The following CLN8 variants were observed in gnomAD, a reference collection of about 807,000 sequenced individuals.
CLN8 encodes protein CLN8.
Under a neutral mutation model 15.7 loss-of-function variants are expected in CLN8, and 14 were observed. The ratio of observed to expected loss-of-function variants is 0.89; its 90% confidence interval spans 0.59 to 1.39. The LOEUF (loss-of-function observed/expected upper bound fraction) is 1.39. CLN8 is among the 40% of genes most tolerant of loss of function. The probability of loss-of-function intolerance (pLI) is 0.00; values close to 1 mark genes in which losing one functional copy is unlikely to be tolerated. For synonymous variants in CLN8, 188 were observed against 151.0 expected, an observed-to-expected ratio of 1.25 and a Z score of -1.80; for missense variants, 415 against 364.0, an observed-to-expected ratio of 1.14 and a Z score of -1.14.
At position 1,775,859 on chromosome 8, in the gene CLN8, A is replaced by C. The variant is rs186473891; in HGVS notation, c.543+4262A>C. 6.2e-4 allele frequency among the ~76,000 whole-genome samples: 95 copies of C among 152,310 alleles called. 1 individual carries two copies. In the East Asian group the frequency reaches 0.014, roughly 23 times the overall value. On this transcript the variant is annotated intron_variant, in intron 2 of 2. Coordinates refer to ENST00000331222, the MANE Select transcript of CLN8 (RefSeq NM_018941.4). ...TACGCTCTCTTGAGGAGCAATGAGC[A>C]CTCTTGCAGGCCCTGTGCCAGGTGC...
intron 1 of CLN8, 122 bp downstream of exon 1, chr8:1,764,007 G>C (rs1250255148): frequency 6.6e-6 from 1 of 152,132 alleles, no homozygotes; most frequent in Non-Finnish European, 1.5e-5. Flanking sequence ...AGGTGAGCGC[G>C]CGTGGAGCCC....
At chr8:1,777,832 T>G (rs1428213866) in intron 2 of CLN8, among the ~76,000 whole-genome samples, 2 of 152,228 alleles carry the variant, frequency 1.3e-5, no homozygotes, top group Admixed American at 1.3e-4. Flanking sequence ...TGTTTATAGT[T>G]AACTTTATTT....
At chr8:1,764,060 C>G (rs907717888) in intron 1 of CLN8, 175 bp downstream of exon 1, 11 of 152,068 alleles carry the variant, frequency 7.2e-5, no homozygotes, top group Admixed American at 4.6e-4. Flanking sequence ...ACCGGGGATC[C>G]CAGGTGAGGG....
chr8:1,768,166 A>G (rs1801144215), intron 1 of CLN8, among the ~76,000 whole-genome samples: 1 of 149,630 alleles, frequency 6.7e-6, no homozygotes, highest in Admixed American at 6.7e-5. Context: ...TTGGTCTTGA[A>G]CTCCTGACCT....
upstream of CLN8, chr8:1,759,786 C>A (rs1800749134): frequency 6.6e-6 from 1 of 152,154 alleles, no homozygotes; most frequent in African/African-American, 2.4e-5. Flanking sequence ...GCAAGCACCG[C>A]GGTCCTGCTC....
intron 1 of CLN8, chr8:1,758,359 A>G (rs1273277491): frequency 3.3e-5 from 5 of 152,118 alleles, no homozygotes; most frequent in Admixed American, 3.3e-4. Context: ...AGTTGATGAG[A>G]TTTATTCTGA....
chr8:1,774,434 C>G (rs1801433824), intron 2 of CLN8, among the ~76,000 whole-genome samples: 1 of 152,156 alleles, frequency 6.6e-6, no homozygotes, highest in Non-Finnish European at 1.5e-5. Flanking sequence ...TAAGAAAACA[C>G]TATGTCTAAA....
intron 1 of CLN8, among the ~76,000 whole-genome samples, chr8:1,766,762 C>T (rs1032097425): frequency 2.0e-5 from 3 of 152,218 alleles, no homozygotes; most frequent in Non-Finnish European, 2.9e-5. Context: ...AGGACTCCTT[C>T]ATGTGGCCTG....
chr8:1,754,745 T>G (rs6558527), upstream of CLN8, among the ~76,000 whole-genome samples: 122,630 of 152,142 alleles, frequency 0.81, 49,657 homozygotes, highest in Non-Finnish European at 0.82. Flanking sequence ...AAGCCGTCTG[T>G]AGACATCCCA....
chr8:1,778,640 C>T (rs1801604105), intron 2 of CLN8, among the ~76,000 whole-genome samples: 1 of 152,184 alleles, frequency 6.6e-6, no homozygotes, highest in Non-Finnish European at 1.5e-5. Flanking sequence ...TTGTGGAAAG[C>T]CGCACTGGCG....
intron 1 of CLN8, among the ~76,000 whole-genome samples, chr8:1,767,196 A>G (rs893085392): frequency 6.6e-6 from 1 of 152,240 alleles, no homozygotes; most frequent in Non-Finnish European, 1.5e-5. Context: ...GAGTTAGACT[A>G]GAACAGCACC....
chr8:1,771,602 GTGCA>G lies in CLN8; in HGVS notation c.543+11_543+14del. ...GTTTCCTGGATGCTCTTAAAGGTAA[GTGCA>G]TGCATCAGCAGAAGATGACATGTGC... On this transcript the variant is annotated splice_donor_region_variant and intron_variant, in intron 2 of 2. Transcript: ENST00000331222. The G allele has an allele frequency of 6.2e-7, 1 of 1,613,064 alleles. No homozygotes were observed. Among genetic ancestry groups the G allele is most frequent in the Non-Finnish European group, 8.5e-7 (1 of 1,179,588 alleles).
At chr8:1,768,591 G>A (rs1419083424) in intron 1 of CLN8, among the ~76,000 whole-genome samples, 1 of 152,168 alleles carries the variant, frequency 6.6e-6, no homozygotes, top group African/African-American at 2.4e-5. Context: ...GTTTTACGAG[G>A]GGTCCATATT....
chr8:1,773,425 A>G (rs1268861552), intron 2 of CLN8, among the ~76,000 whole-genome samples: 1 of 152,078 alleles, frequency 6.6e-6, no homozygotes, highest in African/African-American at 2.4e-5. Flanking sequence ...TTTGGGTAGA[A>G]CTTACCAAGG....
chr8:1,769,783 C>T (rs1183019310), intron 1 of CLN8, among the ~76,000 whole-genome samples: 1 of 152,168 alleles, frequency 6.6e-6, no homozygotes, highest in African/African-American at 2.4e-5. Flanking sequence ...AGCATCTGTT[C>T]ATGTGTTCCA....
intron 2 of CLN8, among the ~76,000 whole-genome samples, chr8:1,779,167 T>G (rs1471857826): frequency 6.6e-6 from 1 of 152,188 alleles, no homozygotes; most frequent in Admixed American, 6.5e-5. Flanking sequence ...CCATTGTGAG[T>G]AGGGGACTGT....
chr8:1,778,762 G>C (rs941746924), intron 2 of CLN8, among the ~76,000 whole-genome samples: 18 of 152,152 alleles, frequency 1.2e-4, no homozygotes, highest in Middle Eastern at 3.2e-3. Flanking sequence ...AGGCAGGCTG[G>C]GTTACTCCAT....
Position 1,782,579 on chromosome 8 carries a change from C to T in CLN8, c.*2012C>T, listed in dbSNP as rs771531967. On this transcript the variant is annotated 3_prime_UTR_variant, in exon 3 of 3. Coordinates refer to ENST00000331222, the MANE Select transcript of CLN8 (RefSeq NM_018941.4). Reference sequence around the variant, plus strand: ...ATGGTGTCCCTGCTGAAACTTTTAACTGGAAACCTCACACCTGGCAGGCAG... The same window carrying T: ...ATGGTGTCCCTGCTGAAACTTTTAATTGGAAACCTCACACCTGGCAGGCAG... 1.8e-4 allele frequency: 27 copies of T among 152,200 alleles called. No individual in the cohort carries two copies. The highest frequency in any genetic ancestry group is 2.8e-4 in the Non-Finnish European group (19 of 68,046). 9.4% of individuals were successfully genotyped at this position (152,200 alleles called of 1,614,324 possible).
In CLN8 at chr8:1,771,453, G is replaced by T. The variant is rs948684101; in HGVS notation, c.399G>T (p.Leu133Phe). Residue 133 changes from leucine to phenylalanine, a missense_variant, in exon 2 of 3, where the codon TTG becomes TTT. Transcript: ENST00000331222. ...LSNLIFRTFD[L>F]FLVIHHLFAF... Reference sequence around the variant, plus strand: ...ACTTGATCTTCCGGACATTTGACTTGTTTCTGGTTATCCACCATCTCTTTG... The same window carrying T: ...ACTTGATCTTCCGGACATTTGACTTTTTTCTGGTTATCCACCATCTCTTTG... The T allele has an allele frequency of 5.6e-6, 9 of 1,614,202 alleles. No individual in the cohort carries two copies. The highest frequency in any genetic ancestry group is 7.6e-6 in the Non-Finnish European group (9 of 1,180,036).
Sources: gnomAD v4.1 joint callset for allele counts (sites outside exome capture counted in the v4.1 genomes callset) on GRCh38, gnomAD v4.1.1 for gene constraint, MANE v1.5 for transcripts, NCBI Gene and HGNC (gene_info 2026-07-23, HGNC 2026-07-21) for gene names.